Variants in GRIP1 observed in about 807,000 individuals in gnomAD.
The protein encoded by GRIP1 is glutamate receptor-interacting protein 1.
Under a neutral mutation model 129.9 loss-of-function variants are expected in GRIP1, and 45 were observed. The ratio of observed to expected loss-of-function variants is 0.35; its 90% confidence interval spans 0.27 to 0.44. The LOEUF (loss-of-function observed/expected upper bound fraction) is 0.44. Ranked by LOEUF, GRIP1 falls within the 20% of genes least tolerant of loss-of-function variation. The probability of loss-of-function intolerance (pLI) is 1.00; values close to 1 mark genes in which losing one functional copy is unlikely to be tolerated. For missense variants in GRIP1, 1,196 were observed against 1,396.8 expected (o/e 0.86, Z 2.29); for synonymous variants, 530 against 520.8 (o/e 1.02, Z -0.24).
intron 1 of GRIP1, among the ~76,000 whole-genome samples, chr12:66,811,164 G>C (rs1010064423): frequency 2.6e-5 from 4 of 152,202 alleles, no homozygotes; most frequent in Non-Finnish European, 4.4e-5. Context: ...TCAGATAACT[G>C]AGGTTATTGA....
chr12:67,004,482 G>C (rs1175633851), intron 1 of GRIP1, among the ~76,000 whole-genome samples: 1 of 152,098 alleles, frequency 6.6e-6, no homozygotes, highest in Admixed American at 6.6e-5. Flanking sequence ...CTCAGAACTT[G>C]ATGAAGACCT....
In GRIP1 at chr12:66,539,590, G is replaced by A. The variant is rs796511560; in HGVS notation, c.273-367C>T. ...TTTTTCAGTTCTTTGCCCTAAACCA[G>A]TTGGTTCTCTGGGATGGGATCCAGA... On this transcript the variant is annotated intron_variant, in intron 3 of 24. Transcript: ENST00000359742. Among the ~76,000 whole-genome samples, 21 of 101,340 alleles carry A rather than the reference G, an allele frequency of 2.1e-4. No homozygotes were observed. In the South Asian group the frequency reaches 2.1e-3, roughly 10 times the overall value. The allele number at this position is 101,340 out of a possible 152,430, so 66.5% of individuals were successfully genotyped here.
chr12:66,798,308 C>T (rs931463400), intron 1 of GRIP1, among the ~76,000 whole-genome samples: 1 of 152,128 alleles, frequency 6.6e-6, no homozygotes, highest in African/African-American at 2.4e-5. Flanking sequence ...CCATATGTTA[C>T]ATCCGTGAAA....
chr12:66,483,307 T>A (rs1418545280), intron 7 of GRIP1, among the ~76,000 whole-genome samples: 3 of 152,236 alleles, frequency 2.0e-5, no homozygotes, highest in Non-Finnish European at 4.4e-5. Context: ...ATACATTTTT[T>A]TAAATATTTT....
intron 1 of GRIP1, among the ~76,000 whole-genome samples, chr12:66,861,547 A>G (rs2040112059): frequency 1.3e-5 from 2 of 152,102 alleles, no homozygotes; most frequent in African/African-American, 2.4e-5. Context: ...AGATACGCAT[A>G]TTGCTGTGGG....
intron 5 of GRIP1, among the ~76,000 whole-genome samples, chr12:66,529,198 T>C (rs2061364219): frequency 6.6e-6 from 1 of 152,056 alleles, no homozygotes; most frequent in African/African-American, 2.4e-5. Flanking sequence ...GGAGGGAATG[T>C]AAACTAGTAC....
At chr12:66,517,852 A>T in intron 6 of GRIP1, 49 bp downstream of exon 6, 1 of 959,412 alleles carries the variant, frequency 1.0e-6, no homozygotes. Flanking sequence ...TAAAGTCCCC[A>T]GCTTTATTTA....
chr12:66,365,422 G>A (rs2055080356), intron 23 of GRIP1, among the ~76,000 whole-genome samples: 2 of 152,196 alleles, frequency 1.3e-5, no homozygotes, highest in Non-Finnish European at 1.5e-5. Context: ...GGGCAACAAA[G>A]CCAGACTTCA....
At chr12:66,737,633 C>T (rs181401794) in intron 1 of GRIP1, among the ~76,000 whole-genome samples, 58 of 152,280 alleles carry the variant, frequency 3.8e-4, no homozygotes, top group Non-Finnish European at 6.2e-4. Context: ...TTCTATCTTC[C>T]TCTTCCTCGA....
chr12:66,384,630 C>T (rs1483684526), intron 19 of GRIP1, among the ~76,000 whole-genome samples: 1 of 151,832 alleles, frequency 6.6e-6, no homozygotes, highest in Non-Finnish European at 1.5e-5. Context: ...TTTGGTTTTG[C>T]TAAAGATTAT....
intron 1 of GRIP1, among the ~76,000 whole-genome samples, chr12:66,850,970 T>A (rs2039900914): frequency 6.7e-6 from 1 of 148,942 alleles, no homozygotes; most frequent in African/African-American, 2.5e-5. Flanking sequence ...AGCTAAGGTA[T>A]CTAGTATGAT....
intron 2 of GRIP1, among the ~76,000 whole-genome samples, chr12:66,562,301 T>A (rs1001014649): frequency 6.6e-6 from 1 of 152,204 alleles, no homozygotes; most frequent in African/African-American, 2.4e-5. Context: ...GTGTCACTGA[T>A]GTCCATATTT....
intron 1 of GRIP1, among the ~76,000 whole-genome samples, chr12:66,624,313 T>C (rs1049900780): frequency 6.6e-6 from 1 of 152,182 alleles, no homozygotes; most frequent in Non-Finnish European, 1.5e-5. Context: ...AAATGTCTTA[T>C]TTTGGAAAGT....
intron 1 of GRIP1, among the ~76,000 whole-genome samples, chr12:66,968,555 T>C (rs1488516966): frequency 2.0e-5 from 3 of 152,180 alleles, no homozygotes; most frequent in Non-Finnish European, 4.4e-5. Context: ...TTCTAGAGTT[T>C]GCAATATGCA....
chr12:66,811,489 A>C (rs967824469), intron 1 of GRIP1, among the ~76,000 whole-genome samples: 1 of 148,614 alleles, frequency 6.7e-6, no homozygotes, highest in Non-Finnish European at 1.5e-5. Context: ...CTTTTAAGGT[A>C]ATTGTGAGAC....
intron 1 of GRIP1, among the ~76,000 whole-genome samples, chr12:66,928,174 G>A (rs2041327586): frequency 6.6e-6 from 1 of 152,158 alleles, no homozygotes; most frequent in African/African-American, 2.4e-5. Flanking sequence ...TACAGTTAAA[G>A]TATCCCCATA....
chr12:66,940,611 G>A (rs749915066), intron 1 of GRIP1, among the ~76,000 whole-genome samples: 6 of 152,148 alleles, frequency 3.9e-5, no homozygotes, highest in Non-Finnish European at 8.8e-5. Context: ...TCTATTAAAA[G>A]TTAACTACTT....
At chr12:66,723,024 A>G (rs1288469723) in intron 1 of GRIP1, among the ~76,000 whole-genome samples, 1 of 151,316 alleles carries the variant, frequency 6.6e-6, no homozygotes, top group Non-Finnish European at 1.5e-5. Context: ...CAGTGGATCC[A>G]TTTGTCCTCA....
At chr12:66,645,294 G>C (rs915551984) in intron 1 of GRIP1, among the ~76,000 whole-genome samples, 6 of 152,150 alleles carry the variant, frequency 3.9e-5, no homozygotes, top group Non-Finnish European at 8.8e-5. Context: ...TATCTCAACA[G>C]TCATTAACAG....
Sources: gnomAD v4.1 joint callset for allele counts (sites outside exome capture counted in the v4.1 genomes callset) on GRCh38, gnomAD v4.1.1 for gene constraint, MANE v1.5 for transcripts, NCBI Gene and HGNC (gene_info 2026-07-23, HGNC 2026-07-21) for gene names.